Variants in EML1 observed in about 807,000 individuals in gnomAD.
The protein encoded by EML1 is echinoderm microtubule-associated protein-like 1.
A neutral mutation model predicts 110.4 loss-of-function variants in EML1; 27 were observed. The observed-to-expected ratio is 0.24, with a 90% CI of 0.18 to 0.34. The LOEUF is 0.34. Among genes scored for constraint, EML1 ranks in the 10% least tolerant of loss-of-function variants. EML1 has a pLI of 1.00. For synonymous variants in EML1, 344 were observed against 385.8 expected (o/e 0.89, Z 1.27); for missense variants, 741 against 1,030.9 (o/e 0.72, Z 3.85).
intron 1 of EML1, among the ~76,000 whole-genome samples, chr14:99,833,435 C>A (rs373741136): frequency 6.6e-6 from 1 of 152,200 alleles, no homozygotes; most frequent in South Asian, 2.1e-4. Flanking sequence ...TTCAGCTTTG[C>A]TCTTTTTCAA....
At position 99,939,093 on chromosome 14, in the gene EML1, T is replaced by C. The variant is rs2060527575; in HGVS notation, c.2192-104T>C. 2.0e-6 allele frequency: 3 copies of C among 1,506,902 alleles called. No individual in the cohort carries two copies. The highest frequency in any genetic ancestry group is 1.4e-5 in the African/African-American group (1 of 71,384). 93.3% of individuals were successfully genotyped at this position (1,506,902 alleles called of 1,614,324 possible). A position where few individuals can be genotyped will look rare whatever the true frequency, so the allele number is the denominator to read the frequency against. ...TTGACCCTTGTTTCTAAAGCTGGAC[T>C]TCAGGCAGTTTCATGTTCAGGACCG... On this transcript the variant is annotated intron_variant, in intron 20 of 21. Coordinates refer to ENST00000262233, the MANE Select transcript of EML1 (RefSeq NM_004434.3). This position sits in a 1 kb window ranked among gnomAD's most constrained non-coding sequence, Gnocchi z 4.2.
intron 17 of EML1, among the ~76,000 whole-genome samples, chr14:99,933,590 C>T (rs574652541): frequency 1.3e-5 from 2 of 152,330 alleles, no homozygotes; most frequent in East Asian, 3.9e-4. Flanking sequence ...AGGGGCAGTG[C>T]CCCTGGAGTC....
intron 1 of EML1, among the ~76,000 whole-genome samples, chr14:99,824,771 C>T (rs569249450): frequency 1.3e-5 from 2 of 152,108 alleles, no homozygotes; most frequent in South Asian, 4.1e-4. Context: ...ATCCTCCCCC[C>T]TCCTACCCTC....
intron 1 of EML1, among the ~76,000 whole-genome samples, chr14:99,787,011 C>CT (rs2057608145): frequency 6.6e-6 from 1 of 152,074 alleles, no homozygotes; most frequent in South Asian, 2.1e-4. Flanking sequence ...AAACAACAAT[C>CT]TTTTTAATAA....
intron 1 of EML1, among the ~76,000 whole-genome samples, chr14:99,837,970 T>C (rs1417450915): frequency 6.6e-6 from 1 of 152,050 alleles, no homozygotes; most frequent in Non-Finnish European, 1.5e-5. Flanking sequence ...TGGCTAATTT[T>C]TTAAATCTTT....
At chr14:99,866,967 C>T (rs1416186837) in intron 3 of EML1, among the ~76,000 whole-genome samples, 5 of 152,022 alleles carry the variant, frequency 3.3e-5, no homozygotes, top group Non-Finnish European at 7.4e-5. Context: ...GGTATGTGTG[C>T]AGGTTTGTTA....
chr14:99,918,308 G>A (rs1163515426), intron 16 of EML1, among the ~76,000 whole-genome samples: 1 of 152,036 alleles, frequency 6.6e-6, no homozygotes, highest in African/African-American at 2.4e-5. Context: ...GTGTTGCCCA[G>A]GCTGGTCTTG....
In EML1 at chr14:99,774,897, A is replaced by C. The variant is rs144787065; in HGVS notation, c.-27+884A>C. Among the ~76,000 whole-genome samples the C allele has an allele frequency of 3.1e-3, 470 of 152,344 alleles. 1 individual carries two copies. Among genetic ancestry groups the C allele is most frequent in the African/African-American group, 0.011 (451 of 41,576 alleles). On this transcript the variant is annotated intron_variant, in intron 1 of 22. Coordinates refer to the EML1 transcript ENST00000327921. ...CAAAACCCACTGACAGCTTGACTTT[A>C]AGGGAAAAGATGAGCTAAATTTAAC...
intron 13 of EML1, 140 bp from the exon 14 acceptor site, chr14:99,914,039 T>C (rs2059991017): frequency 3.8e-6 from 4 of 1,051,864 alleles, no homozygotes; most frequent in East Asian, 2.7e-5. Context: ...ATACAACATA[T>C]ATATTTGAAC....
intron 1 of EML1, among the ~76,000 whole-genome samples, chr14:99,823,302 T>A (rs2058295506): frequency 6.6e-6 from 1 of 151,580 alleles, no homozygotes; most frequent in Non-Finnish European, 1.5e-5. Context: ...GCCCTGCACG[T>A]GGGTGGTGTC....
chr14:99,865,398 T>C, intron 2 of EML1, 116 bp from the exon 3 acceptor site: 3 of 1,341,382 alleles, frequency 2.2e-6, no homozygotes, highest in Non-Finnish European at 3.1e-6. Flanking sequence ...CGCTCACTGC[T>C]CACCTCCTCC....
chr14:99,931,121 G>A (rs2060359766), intron 17 of EML1, among the ~76,000 whole-genome samples: 1 of 152,056 alleles, frequency 6.6e-6, no homozygotes, highest in Non-Finnish European at 1.5e-5. Context: ...CCCCTCCCTG[G>A]GTTGATCCCC....
At chr14:99,872,651 G>A (rs1440642435) in intron 3 of EML1, among the ~76,000 whole-genome samples, 1 of 152,162 alleles carries the variant, frequency 6.6e-6, no homozygotes, top group Non-Finnish European at 1.5e-5. Flanking sequence ...CTTCCATTTG[G>A]AAGCTAGAAA....
At chr14:99,840,645 G>A (rs1453981022) in intron 1 of EML1, among the ~76,000 whole-genome samples, 3 of 152,150 alleles carry the variant, frequency 2.0e-5, no homozygotes, top group African/African-American at 2.4e-5. Context: ...TCACGATAAA[G>A]GGAACAGATT....
At chr14:99,813,098 G>A (rs763202943) in intron 1 of EML1, among the ~76,000 whole-genome samples, 1 of 152,106 alleles carries the variant, frequency 6.6e-6, no homozygotes, top group Admixed American at 6.5e-5. Context: ...TCTTTCTTGA[G>A]GAAAGCTGAT....
intron 1 of EML1, among the ~76,000 whole-genome samples, chr14:99,742,214 A>G (rs2057051428): frequency 6.6e-6 from 1 of 152,142 alleles, no homozygotes; most frequent in Non-Finnish European, 1.5e-5. Context: ...GTGCCTGCAC[A>G]TAGGGTGGTG....
intron 1 of EML1, among the ~76,000 whole-genome samples, chr14:99,760,171 T>C (rs956165562): frequency 1.4e-5 from 2 of 144,056 alleles, no homozygotes; most frequent in African/African-American, 5.2e-5. Context: ...AACTTACAAA[T>C]GTGCAACAGA....
chr14:99,756,184 C>T (rs573533501), intron 1 of EML1, among the ~76,000 whole-genome samples: 1 of 152,202 alleles, frequency 6.6e-6, no homozygotes, highest in South Asian at 2.1e-4. Flanking sequence ...CAGAGAAGGA[C>T]CCCAGGAGGC....
intron 1 of EML1, among the ~76,000 whole-genome samples, chr14:99,751,157 G>A (rs1460221601): frequency 6.6e-6 from 1 of 152,144 alleles, no homozygotes; most frequent in Non-Finnish European, 1.5e-5. Flanking sequence ...CTGGGGTACA[G>A]AGGACAGTCT....
Sources: allele counts gnomAD v4.1 joint callset (sites outside exome capture counted in the v4.1 genomes callset), GRCh38; gene constraint gnomAD v4.1.1; non-coding constraint Gnocchi (gnomAD v3.1); transcripts MANE v1.5; gene names NCBI Gene and HGNC (gene_info 2026-07-23, HGNC 2026-07-21).